Variants in WDR72 observed in about 807,000 individuals in gnomAD.
WDR72 encodes WD repeat domain 72.
In WDR72, 120 loss-of-function variants were observed where a neutral mutation model predicts 124.2. That is an observed-to-expected ratio of 0.97 (90% CI 0.83 to 1.12). The LOEUF is 1.12. Among genes scored for constraint, WDR72 ranks in the 50% most tolerant of loss-of-function variants. WDR72 has a pLI of 0.00. For missense variants in WDR72, 1,387 were observed against 1,278.8 expected, an observed-to-expected ratio of 1.08 and a Z score of -1.29; for synonymous variants, 452 against 441.7, an observed-to-expected ratio of 1.02 and a Z score of -0.29.
At chr15:53,663,644 G>T (rs1021435066) in intron 14 of WDR72, among the ~76,000 whole-genome samples, 1 of 152,044 alleles carries the variant, frequency 6.6e-6, no homozygotes, top group Non-Finnish European at 1.5e-5. Context: ...CATCTGAAAC[G>T]CATAGGTCAA....
intron 18 of WDR72, among the ~76,000 whole-genome samples, chr15:53,560,603 T>G (rs1894092602): frequency 1.3e-5 from 2 of 151,870 alleles, no homozygotes; most frequent in Admixed American, 6.6e-5. Context: ...CAGTACTTAT[T>G]TTTATTTTGT....
intron 18 of WDR72, among the ~76,000 whole-genome samples, chr15:53,570,400 G>A (rs1328074092): frequency 6.6e-6 from 1 of 151,438 alleles, no homozygotes; most frequent in Non-Finnish European, 1.5e-5. Flanking sequence ...GGAAAAAAAT[G>A]AAAAACGCCA....
chr15:53,674,827 C>T (rs562734720), intron 13 of WDR72, among the ~76,000 whole-genome samples: 1 of 152,060 alleles, frequency 6.6e-6, no homozygotes, highest in African/African-American at 2.4e-5. Flanking sequence ...CAGCCTCCAG[C>T]ACATTCACAG....
intron 13 of WDR72, among the ~76,000 whole-genome samples, chr15:53,673,481 T>C (rs1595838001): frequency 2.0e-5 from 3 of 152,320 alleles, no homozygotes; most frequent in South Asian, 2.1e-4. Context: ...TTGAGACTAA[T>C]TGACTTACTA....
At position 53,602,423 on chromosome 15, in the gene WDR72, G is replaced by T. The variant is rs189916166; in HGVS notation, c.2953-5149C>A. On this transcript the variant is annotated intron_variant, in intron 17 of 19. Coordinates refer to ENST00000360509, the MANE Select transcript of WDR72 (RefSeq NM_182758.4). Reference sequence around the variant, plus strand: ...TAACAGCCTAACTTCACAACTAAAAGAACTAGAGAATCAAGAGCAAAAAAA... The same window carrying T: ...TAACAGCCTAACTTCACAACTAAAATAACTAGAGAATCAAGAGCAAAAAAA... Among the ~76,000 whole-genome samples the T allele has an allele frequency of 1.1e-4, 16 of 151,856 alleles. 1 individual carries two copies. The highest frequency in any genetic ancestry group is 3.9e-4 in the African/African-American group (16 of 41,456).
At chr15:53,528,814 T>C (rs576600088) in intron 18 of WDR72, among the ~76,000 whole-genome samples, 35 of 152,090 alleles carry the variant, frequency 2.3e-4, no homozygotes, top group African/African-American at 7.9e-4. Flanking sequence ...ATCAATTGCT[T>C]ACGGAATCTG....
chr15:53,567,544 G>A (rs111995501), intron 18 of WDR72, among the ~76,000 whole-genome samples: 1 of 151,950 alleles, frequency 6.6e-6, no homozygotes, highest in East Asian at 1.9e-4. Context: ...CTGCATATCC[G>A]AGAGAGATGA....
intron 1 of WDR72, among the ~76,000 whole-genome samples, chr15:53,751,476 A>C (rs1219103342): frequency 6.6e-6 from 1 of 152,192 alleles, no homozygotes; most frequent in East Asian, 1.9e-4. Flanking sequence ...CACAGTATGC[A>C]CATTGTTACT....
At chr15:53,672,877 C>T (rs1415850387) in intron 13 of WDR72, among the ~76,000 whole-genome samples, 1 of 152,144 alleles carries the variant, frequency 6.6e-6, no homozygotes, top group Admixed American at 6.5e-5. Flanking sequence ...CTCCTGTAAT[C>T]CCAGCACTTT....
intron 18 of WDR72, among the ~76,000 whole-genome samples, chr15:53,596,111 C>T (rs2012760989): frequency 6.6e-6 from 1 of 152,106 alleles, no homozygotes; most frequent in Admixed American, 6.6e-5. Context: ...TATGTAGTAA[C>T]ATTGCTCCTA....
At chr15:53,565,643 T>G (rs1894268197) in intron 18 of WDR72, among the ~76,000 whole-genome samples, 1 of 151,970 alleles carries the variant, frequency 6.6e-6, no homozygotes. Flanking sequence ...CACACTATGA[T>G]TTATTTTACC....
intron 18 of WDR72, among the ~76,000 whole-genome samples, chr15:53,560,260 T>C (rs1489865829): frequency 6.6e-6 from 1 of 151,846 alleles, no homozygotes; most frequent in Non-Finnish European, 1.5e-5. Context: ...ATGGCCCAGA[T>C]TGAGGTTGTG....
intron 16 of WDR72, among the ~76,000 whole-genome samples, chr15:53,612,414 C>A (rs1255280295): frequency 6.6e-6 from 1 of 151,952 alleles, no homozygotes; most frequent in East Asian, 1.9e-4. Context: ...AGTGCTGCTG[C>A]AGTGATAAAG....
At chr15:53,716,904 T>G (rs900660518) in intron 3 of WDR72, among the ~76,000 whole-genome samples, 1 of 152,162 alleles carries the variant, frequency 6.6e-6, no homozygotes, top group Non-Finnish European at 1.5e-5. Context: ...CTGCAAACCT[T>G]ACTTTAGAGA....
intron 14 of WDR72, among the ~76,000 whole-genome samples, chr15:53,635,893 C>T (rs971442159): frequency 6.6e-6 from 1 of 152,114 alleles, no homozygotes; most frequent in Admixed American, 6.5e-5. Flanking sequence ...CATGCCATTA[C>T]ACCACGGGTT....
chr15:53,650,142 C>G (rs2015179986), intron 14 of WDR72, among the ~76,000 whole-genome samples: 1 of 152,080 alleles, frequency 6.6e-6, no homozygotes, highest in Non-Finnish European at 1.5e-5. Flanking sequence ...TATGTGATAA[C>G]ATGATGAACC....
intron 18 of WDR72, among the ~76,000 whole-genome samples, chr15:53,595,908 T>C (rs1045119897): frequency 1.3e-5 from 2 of 152,188 alleles, no homozygotes; most frequent in Admixed American, 1.3e-4. Context: ...AAATTATTAA[T>C]TGAATTTACC....
chr15:53,685,046 C>A (rs1016352242), intron 13 of WDR72, among the ~76,000 whole-genome samples: 5 of 152,242 alleles, frequency 3.3e-5, no homozygotes, highest in African/African-American at 1.2e-4. Flanking sequence ...ACATCCACAC[C>A]AAAAACCCAT....
chr15:53,563,867 A>T (rs1240958347), intron 18 of WDR72, among the ~76,000 whole-genome samples: 1 of 151,788 alleles, frequency 6.6e-6, no homozygotes, highest in African/African-American at 2.4e-5. Context: ...GGTCTGAAAC[A>T]TACAGTGCAT....
Sources: gnomAD v4.1 joint callset for allele counts (sites outside exome capture counted in the v4.1 genomes callset) on GRCh38, gnomAD v4.1.1 for gene constraint, MANE v1.5 for transcripts, NCBI Gene and HGNC (gene_info 2026-07-23, HGNC 2026-07-21) for gene names.